The following KSR2 variants were observed in gnomAD, a reference collection of about 807,000 sequenced individuals.
KSR2 encodes the protein kinase suppressor of ras 2.
A neutral mutation model predicts 107.8 loss-of-function variants in KSR2; 25 were observed. The ratio of observed to expected loss-of-function variants is 0.23; its 90% CI spans 0.17 to 0.32. The LOEUF (loss-of-function observed/expected upper bound fraction) is 0.32, where lower values mean the gene tolerates loss of function less well. KSR2 is among the 10% of genes least tolerant of loss of function. The pLI is 1.00. For synonymous variants in KSR2, 480 were observed against 507.0 expected, an observed-to-expected ratio of 0.95 and a Z score of 0.71; for missense variants, 887 against 1,268.9, an observed-to-expected ratio of 0.70 and a Z score of 4.57.
intron 3 of KSR2, among the ~76,000 whole-genome samples, chr12:117,830,683 C>G (rs938074643): frequency 7.9e-5 from 12 of 152,132 alleles, no homozygotes; most frequent in African/African-American, 2.9e-4. Context: ...GCCTCAAGCC[C>G]TTGAGGCAGA....
chr12:117,629,795 T>G (rs1206688770), intron 5 of KSR2, among the ~76,000 whole-genome samples: 1 of 152,234 alleles, frequency 6.6e-6, no homozygotes, highest in East Asian at 1.9e-4. Flanking sequence ...TGTGTAAGTC[T>G]GTGGAAGTAG....
At position 117,544,567 on chromosome 12, in the gene KSR2, T is replaced by C. The variant is rs148331211; in HGVS notation, c.1519-4680A>G. ...CTGGGAGGCAGAAGTTGCAGTGAGC[T>C]GAGATCATACCACTGCACTCCAGCC... On this transcript the variant is annotated intron_variant, in intron 9 of 19. Transcript: ENST00000339824. 5.2e-3 allele frequency among the ~76,000 whole-genome samples: 781 copies of C among 151,426 alleles called. 7 individuals carry two copies. The highest frequency in any genetic ancestry group is 0.018 in the African/African-American group (740 of 41,266).
intron 5 of KSR2, among the ~76,000 whole-genome samples, chr12:117,595,180 T>C (rs578098772): frequency 2.0e-5 from 3 of 152,270 alleles, no homozygotes; most frequent in Admixed American, 2.0e-4. Flanking sequence ...TAGCTAGACA[T>C]CACCTTGTAG....
intron 19 of KSR2, among the ~76,000 whole-genome samples, chr12:117,468,597 G>A (rs556066460): frequency 6.6e-6 from 1 of 152,176 alleles, no homozygotes; most frequent in Non-Finnish European, 1.5e-5. Flanking sequence ...GAACTTCATG[G>A]GAAGACTGAC....
intron 1 of KSR2, among the ~76,000 whole-genome samples, chr12:117,942,593 A>C (rs1201946759): frequency 6.6e-6 from 1 of 150,484 alleles, no homozygotes; most frequent in African/African-American, 2.4e-5. Flanking sequence ...GGCTCAAGCA[A>C]TCCTCCCACT....
At chr12:117,665,267 C>G (rs1884611491) in intron 5 of KSR2, among the ~76,000 whole-genome samples, 1 of 152,086 alleles carries the variant, frequency 6.6e-6, no homozygotes, top group Non-Finnish European at 1.5e-5. Flanking sequence ...AGGTGGAGAC[C>G]AGGGCGGGAA....
At chr12:117,612,904 C>T (rs547736372) in intron 5 of KSR2, among the ~76,000 whole-genome samples, 2 of 152,212 alleles carry the variant, frequency 1.3e-5, no homozygotes, top group South Asian at 4.1e-4. Flanking sequence ...CCTGCTCTCT[C>T]TCTTTTGCTG....
chr12:117,763,966 G>T (rs188066680), intron 3 of KSR2, among the ~76,000 whole-genome samples: 74 of 152,118 alleles, frequency 4.9e-4, no homozygotes, highest in Non-Finnish European at 2.9e-5. Context: ...GATTTGGGGC[G>T]CAAAGAAATT....
At chr12:117,553,252 C>T (rs907048398) in intron 9 of KSR2, among the ~76,000 whole-genome samples, 38 of 152,000 alleles carry the variant, frequency 2.5e-4, no homozygotes, top group Admixed American at 1.2e-3. Context: ...ATAAAAATGG[C>T]GGGTGAGATA....
chr12:117,742,113 AC>A (rs1314663961), intron 4 of KSR2, among the ~76,000 whole-genome samples: 1 of 152,166 alleles, frequency 6.6e-6, no homozygotes, highest in African/African-American at 2.4e-5. Context: ...AAACTGTATA[AC>A]CTGAATCATC....
rs1215238497 is a variant in KSR2 at position 117,466,449 on chromosome 12, A to G, written c.*750T>C. ...AGGTGAAAAGGGATGCTACTCTCAG[A>G]GAACAGGAGAAAACAGCAGAAATGG... is the stretch of plus-strand genomic sequence containing the variant. On this transcript the variant is annotated 3_prime_UTR_variant, in exon 20 of 20. Transcript: ENST00000339824. 1 of 152,284 alleles carries G rather than the reference A, an allele frequency of 6.6e-6. No individual in the cohort carries two copies. Among genetic ancestry groups the G allele is most frequent in the Non-Finnish European group, 1.5e-5 (1 of 68,108 alleles). 9.4% of individuals were successfully genotyped at this position (152,284 alleles called of 1,614,324 possible).
chr12:117,656,435 C>A (rs1047705962), intron 5 of KSR2, among the ~76,000 whole-genome samples: 3 of 152,062 alleles, frequency 2.0e-5, no homozygotes, highest in Admixed American at 2.0e-4. Flanking sequence ...CATGGAGAAA[C>A]CCCACTAAAC....
rs140837860 is a variant in KSR2 at position 117,533,683 on chromosome 12, G to A, written c.1688-1976C>T. ...CGACCCGAGGCTCTCAAGAGACTTG[G>A]CTGATCTTTTCCCTCCACAGCTCTG... On this transcript the variant is annotated intron_variant, in intron 10 of 19. Transcript: ENST00000339824. 2.0e-4 allele frequency among the ~76,000 whole-genome samples: 30 copies of A among 152,308 alleles called. No individual in the cohort carries two copies. The East Asian group carries it at 4.6e-3, about 24-fold the overall frequency.
chr12:117,530,818 T>G (rs1336037461), intron 12 of KSR2, 123 bp downstream of exon 12: 1 of 824,274 alleles, frequency 1.2e-6, no homozygotes, highest in Non-Finnish European at 2.0e-6. Flanking sequence ...CTTGTACATC[T>G]CCCTCTGCCC....
At chr12:117,707,219 C>A (rs1462398677) in intron 4 of KSR2, among the ~76,000 whole-genome samples, 1 of 151,794 alleles carries the variant, frequency 6.6e-6, no homozygotes, top group African/African-American at 2.4e-5. Context: ...TTGCCAGGGG[C>A]TAGTTGGGAG....
chr12:117,731,511 C>T (rs1167471080), intron 4 of KSR2, among the ~76,000 whole-genome samples: 3 of 152,142 alleles, frequency 2.0e-5, no homozygotes, highest in East Asian at 3.9e-4. Flanking sequence ...GCCCTCTGTC[C>T]GGCCGCCACC....
At chr12:117,596,420 C>T (rs1471781076) in intron 5 of KSR2, among the ~76,000 whole-genome samples, 2 of 152,108 alleles carry the variant, frequency 1.3e-5, no homozygotes, top group Non-Finnish European at 2.9e-5. Context: ...AGCCAAACCA[C>T]ATCACCAGGC....
At chr12:117,602,075 A>G (rs1370791404) in intron 5 of KSR2, among the ~76,000 whole-genome samples, 1 of 152,234 alleles carries the variant, frequency 6.6e-6, no homozygotes, top group Non-Finnish European at 1.5e-5. Context: ...ATTTACGGCC[A>G]CTAAAATTTA....
At chr12:117,956,107 A>G (rs1044663971) in intron 1 of KSR2, among the ~76,000 whole-genome samples, 11 of 151,556 alleles carry the variant, frequency 7.3e-5, no homozygotes, top group Admixed American at 2.0e-4. Context: ...AAAATTAGCC[A>G]GGCGTGGTGG....
Sources: gnomAD v4.1 joint callset for allele counts (sites outside exome capture counted in the v4.1 genomes callset) on GRCh38, gnomAD v4.1.1 for gene constraint, MANE v1.5 for transcripts, NCBI Gene and HGNC (gene_info 2026-07-23, HGNC 2026-07-21) for gene names.